LTV1: variants seen among roughly 807,000 people sequenced by gnomAD.
LTV1 encodes the protein protein LTV1 homolog.
In LTV1, 39 loss-of-function variants were observed where a neutral mutation model predicts 59.9. That is an observed-to-expected ratio of 0.65 (90% CI 0.50 to 0.85). LTV1 has a LOEUF of 0.85. Among genes scored for constraint, LTV1 ranks in the 40% least tolerant of loss-of-function variants. The probability of loss-of-function intolerance (pLI) is 0.00; values close to 1 mark genes in which losing one functional copy is unlikely to be tolerated. For missense variants in LTV1, 493 were observed against 549.1 expected (o/e 0.90, Z 1.02); for synonymous variants, 171 against 189.5 (o/e 0.90, Z 0.80).
In LTV1 at chr6:143,857,417, C is replaced by G. The variant is rs780092527; in HGVS notation, c.512C>G (p.Thr171Arg). The G allele has an allele frequency of 1.2e-6, 2 of 1,613,942 alleles. No homozygotes were observed. The highest frequency in any genetic ancestry group is 2.2e-5 in the East Asian group (1 of 44,858). Residue 171 changes from threonine (T) to arginine (R), a missense_variant, in exon 5 of 11, where the codon ACA (threonine) becomes AGA (arginine). By Grantham distance (71) the Thr-to-Arg change is moderately conservative. Transcript: ENST00000367576. This position sits in a 1 kb window ranked among gnomAD's most constrained non-coding sequence, Gnocchi z 5.2. ...DDFILQANKA[T>R]GEEEGMDIQK... ...TTTATTCTTCAGGCCAATAAGGCAACAGGAGAGGAAGAGGGAATGGATATA... is the reference window on the plus strand; with the variant it reads ...TTTATTCTTCAGGCCAATAAGGCAAGAGGAGAGGAAGAGGGAATGGATATA...
chr6:143,856,306 A>G (rs1246272077), intron 4 of LTV1, among the ~76,000 whole-genome samples: 1 of 152,130 alleles, frequency 6.6e-6, no homozygotes, highest in Non-Finnish European at 1.5e-5. Flanking sequence ...GTTCTTCTCT[A>G]AACTGGTAAT....
intron 4 of LTV1, among the ~76,000 whole-genome samples, chr6:143,854,072 G>A (rs1257263059): frequency 6.6e-6 from 1 of 152,150 alleles, no homozygotes; most frequent in Admixed American, 6.6e-5. Flanking sequence ...CTGTGAATCT[G>A]TCTGGTCCTG....
Position 143,860,529 on chromosome 6 carries a change from A to C in LTV1, c.899A>C (p.Asp300Ala), listed in dbSNP as rs746355229. The C allele has an allele frequency of 4.3e-6, 7 of 1,613,492 alleles. No homozygotes were observed. In the East Asian group the frequency reaches 1.6e-4, roughly 36 times the overall value. The change falls in exon 7 of 11, where the codon GAC becomes GCC. Residue 300 changes from aspartate to alanine, a missense_variant. Asp to Ala is a moderately radical substitution (Grantham distance 126). Coordinates refer to ENST00000367576, the MANE Select transcript of LTV1 (RefSeq NM_032860.5). ...AATCGCTTACAGGAAGTTTTGAATG[A>C]CTACTATAAAGAGAAGGCAGAGAAG... ...DSNRLQEVLN[D>A]YYKEKAENCV...
At position 143,850,140 on chromosome 6, in the gene LTV1, A is replaced by G. The variant is rs760639956; in HGVS notation, c.319A>G (p.Ile107Val). Reference sequence around the variant, plus strand: ...CAATTTCTTTTTCAAGAGCACTGGAATTAAGTTGCCTTCATCAGTGTTTGC... The same window carrying G: ...CAATTTCTTTTTCAAGAGCACTGGAGTTAAGTTGCCTTCATCAGTGTTTGC... Reference protein sequence around the residue: ...EETLVIPSTGIKLPSSVFASE... With the variant: ...EETLVIPSTGVKLPSSVFASE... The change falls in exon 4 of 11, where the codon ATT (isoleucine) becomes GTT (valine). Residue 107 changes from isoleucine (I) to valine (V), a missense_variant. By Grantham distance (29) the Ile-to-Val change is conservative. Coordinates refer to ENST00000367576, the MANE Select transcript of LTV1 (RefSeq NM_032860.5). 1 of 1,613,404 alleles carries G rather than the reference A, an allele frequency of 6.2e-7. No homozygotes were observed. The highest frequency in any genetic ancestry group is 8.5e-7 in the Non-Finnish European group (1 of 1,179,578).
intron 4 of LTV1, among the ~76,000 whole-genome samples, chr6:143,853,547 G>A (rs917693424): frequency 1.1e-4 from 16 of 152,212 alleles, no homozygotes; most frequent in South Asian, 2.1e-4. Context: ...GTCTTGTGCC[G>A]GTTTTCAAAG....
chr6:143,843,561 C>T (rs1196854005), intron 1 of LTV1, 81 bp downstream of exon 1: 6 of 1,582,130 alleles, frequency 3.8e-6, no homozygotes, highest in African/African-American at 1.3e-5. Flanking sequence ...ACCTTGGCTA[C>T]TGCGGCCCGG....
chr6:143,860,152 A>G (rs1042239856), intron 6 of LTV1, among the ~76,000 whole-genome samples: 1 of 152,210 alleles, frequency 6.6e-6, no homozygotes, highest in East Asian at 1.9e-4. Flanking sequence ...GCTGCCTAGC[A>G]TTTTGTTCTC....
At chr6:143,844,419 A>G (rs1776853802) in intron 1 of LTV1, 67 bp from the exon 2 acceptor site, 4 of 1,546,002 alleles carry the variant, frequency 2.6e-6, no homozygotes, top group Non-Finnish European at 3.6e-6. Flanking sequence ...GCATGTGTGG[A>G]CTATGGAATT....
Position 143,843,400 on chromosome 6 carries a change from C to T in LTV1, c.-78C>T, listed in dbSNP as rs979010150. 1.3e-6 allele frequency: 2 copies of T among 1,590,520 alleles called. No homozygotes were observed. The highest frequency in any genetic ancestry group is 1.7e-6 in the Non-Finnish European group (2 of 1,163,008). ...TGAGGCCTACAGAAGCGGCCTTCAG[C>T]TGGACCTTGGTCTCCCCGCCGGACT... On this transcript the variant is annotated 5_prime_UTR_variant, in exon 1 of 11. Transcript: ENST00000367576.
chr6:143,847,087 A>T (rs1329698787), intron 3 of LTV1, among the ~76,000 whole-genome samples: 1 of 152,170 alleles, frequency 6.6e-6, no homozygotes, highest in Non-Finnish European at 1.5e-5. Context: ...ATCCCAAAGA[A>T]AGGTAATAAC....
rs752048169 is a variant in LTV1 at position 143,862,821 on chromosome 6, A to G, written c.1064-23A>G. The stretch of plus-strand genomic sequence containing the variant: ...GAACTGAAAACATGCTTACTGATAC[A>G]TGACTTTTATTTGTTTGTTTAGGTA... On this transcript the variant is annotated intron_variant, in intron 8 of 10. Transcript: ENST00000367576. This position sits in a 1 kb window ranked among gnomAD's most constrained non-coding sequence, Gnocchi z 4.2. The G allele has an allele frequency of 5.4e-5, 77 of 1,427,832 alleles. No individual in the cohort carries two copies. Among genetic ancestry groups the G allele is most frequent in the Non-Finnish European group, 7.1e-5 (72 of 1,010,938 alleles). 88.4% of individuals were successfully genotyped at this position (1,427,832 alleles called of 1,614,324 possible). A position where few individuals can be genotyped will look rare whatever the true frequency, so the allele number is the denominator to read the frequency against.
At chr6:143,854,499 G>A (rs1777041882) in intron 4 of LTV1, among the ~76,000 whole-genome samples, 1 of 152,014 alleles carries the variant, frequency 6.6e-6, no homozygotes, top group South Asian at 2.1e-4. Flanking sequence ...TTTTGAATTT[G>A]TTTGCTCTTG....
Position 143,860,413 on chromosome 6 carries a change from G to A in LTV1, c.796-13G>A. Reference sequence around the variant, plus strand: ...TTGCTTTTCATGGTATCTTTTCTCTGTTTATATTCAAGTTTTATGAGCAAT... The same window carrying A: ...TTGCTTTTCATGGTATCTTTTCTCTATTTATATTCAAGTTTTATGAGCAAT... On this transcript the variant is annotated splice_polypyrimidine_tract_variant and intron_variant, in intron 6 of 10. Coordinates refer to ENST00000367576, the MANE Select transcript of LTV1 (RefSeq NM_032860.5). The A allele has an allele frequency of 6.2e-7, 1 of 1,610,910 alleles. No individual in the cohort carries two copies.
intron 4 of LTV1, among the ~76,000 whole-genome samples, chr6:143,856,682 T>C (rs1295523970): frequency 2.0e-5 from 3 of 152,218 alleles, no homozygotes; most frequent in Non-Finnish European, 2.9e-5. Flanking sequence ...TTTCTAACAG[T>C]CAGACCCCTC....
intron 7 of LTV1, 128 bp downstream of exon 7, chr6:143,860,681 T>C (rs1353802846): frequency 1.4e-6 from 1 of 735,350 alleles, no homozygotes; most frequent in African/African-American, 1.9e-5. Flanking sequence ...ATTGAGAAAA[T>C]GAAAAAGGAA....
intron 7 of LTV1, among the ~76,000 whole-genome samples, chr6:143,861,209 T>C (rs1777159046): frequency 6.6e-6 from 1 of 152,160 alleles, no homozygotes; most frequent in Non-Finnish European, 1.5e-5. Flanking sequence ...TTTTTAATTT[T>C]TTTTTAACTT....
chr6:143,858,126 GT>G, intron 6 of LTV1, 119 bp downstream of exon 6: 1 of 907,402 alleles, frequency 1.1e-6, no homozygotes, highest in Non-Finnish European at 1.7e-6. Flanking sequence ...ATCATAGGAA[GT>G]TTACAACTAT....
intron 1 of LTV1, 132 bp downstream of exon 1, chr6:143,843,612 G>A (rs1776839274): frequency 8.6e-7 from 1 of 1,157,656 alleles, no homozygotes; most frequent in Non-Finnish European, 1.2e-6. Flanking sequence ...ACGGTACCCC[G>A]AAATGGGCCA....
At chr6:143,851,453 C>T (rs1776982346) in intron 4 of LTV1, among the ~76,000 whole-genome samples, 1 of 152,052 alleles carries the variant, frequency 6.6e-6, no homozygotes, top group African/African-American at 2.4e-5. Flanking sequence ...AATTTAAAGG[C>T]CAGTTTCTTC....
Sources: allele counts gnomAD v4.1 joint callset (sites outside exome capture counted in the v4.1 genomes callset), GRCh38; gene constraint gnomAD v4.1.1; non-coding constraint Gnocchi (gnomAD v3.1); transcripts MANE v1.5; gene names NCBI Gene and HGNC (gene_info 2026-07-23, HGNC 2026-07-21).